Variants in ADAM17 observed in about 807,000 individuals in gnomAD.
ADAM17 encodes disintegrin and metalloproteinase domain-containing protein 17.
ADAM17 carries 39 observed loss-of-function variants against 96.7 expected under a neutral mutation model. That is an observed-to-expected ratio of 0.40 (90% CI 0.31 to 0.53). The LOEUF (loss-of-function observed/expected upper bound fraction) is 0.53. ADAM17 is among the 20% of genes least tolerant of loss of function. The probability of loss-of-function intolerance (pLI) is 0.44; values close to 1 mark genes in which losing one functional copy is unlikely to be tolerated. For synonymous variants in ADAM17, 344 were observed against 359.2 expected, an observed-to-expected ratio of 0.96 and a Z score of 0.48; for missense variants, 777 against 1,013.2, an observed-to-expected ratio of 0.77 and a Z score of 3.17.
chr2:9,548,074 A>C (rs1572961807), intron 1 of ADAM17, among the ~76,000 whole-genome samples: 1 of 126,948 alleles, frequency 7.9e-6, no homozygotes, highest in Non-Finnish European at 1.8e-5. Context: ...CTCAAAATCC[A>C]AAAAAAAAAA....
intron 11 of ADAM17, 72 bp downstream of exon 11, chr2:9,509,907 C>T: frequency 6.4e-7 from 1 of 1,560,574 alleles, no homozygotes; most frequent in Non-Finnish European, 8.7e-7. Flanking sequence ...GAATACGTTT[C>T]TGAGCTCTCA....
chr2:9,530,717 G>A (rs1329834505), intron 4 of ADAM17, among the ~76,000 whole-genome samples: 1 of 152,102 alleles, frequency 6.6e-6, no homozygotes, highest in Non-Finnish European at 1.5e-5. Context: ...ATTTTCTCAG[G>A]TATGTTACTT....
intron 1 of ADAM17, among the ~76,000 whole-genome samples, chr2:9,552,284 G>A (rs1665611302): frequency 6.6e-6 from 1 of 152,132 alleles, no homozygotes; most frequent in Non-Finnish European, 1.5e-5. Flanking sequence ...AGGAAATCCT[G>A]TGAAAGTCAA....
intron 4 of ADAM17, among the ~76,000 whole-genome samples, chr2:9,529,167 A>G (rs1664640087): frequency 6.6e-6 from 1 of 152,336 alleles, no homozygotes; most frequent in Non-Finnish European, 1.5e-5. Context: ...AGCCACACAC[A>G]GGCTGGGCGT....
chr2:9,553,376 T>TAA (rs796712244), intron 1 of ADAM17, among the ~76,000 whole-genome samples: 3 of 144,554 alleles, frequency 2.1e-5, no homozygotes, highest in African/African-American at 2.5e-5. Flanking sequence ...ATATTTCGTT[T>TAA]AAAAAAAAAA....
chr2:9,523,417 A>T, intron 6 of ADAM17, 79 bp from the exon 7 acceptor site: 1 of 1,285,674 alleles, frequency 7.8e-7, no homozygotes, highest in Non-Finnish European at 1.1e-6. Flanking sequence ...ATCTATGGGG[A>T]AAGAAAAAAT....
rs1662009471 is a variant in ADAM17, at chr2:9,490,220, A to G, written c.2432T>C (p.Leu811Pro). 6.2e-7 allele frequency: 1 copy of G among 1,600,006 alleles called. No individual in the cohort carries two copies. The highest frequency in any genetic ancestry group is 1.1e-5 in the South Asian group (1 of 90,792). The change falls in exon 19 of 19, where the codon CTG becomes CCG. Residue 811 changes from leucine (L) to proline (P), a missense_variant. Around this residue, in one of 3 missense-constraint regions of ADAM17, gnomAD observed 197 missense variants for 219.4 expected, o/e 0.90. Coordinates refer to ENST00000310823, the MANE Select transcript of ADAM17 (RefSeq NM_003183.6). ...GCTGTCAACACGATTCTGACGCTGC[A>G]GTTTAAAGGAGGCAGCCTTTTCACT... Reference protein sequence around the residue: ...TRSEKAASFKLQRQNRVDSKE... With the variant: ...TRSEKAASFKPQRQNRVDSKE...
chr2:9,524,026 C>G (rs528556427), intron 6 of ADAM17, among the ~76,000 whole-genome samples: 1 of 151,258 alleles, frequency 6.6e-6, no homozygotes, highest in Non-Finnish European at 1.5e-5. Flanking sequence ...CAGGCACACA[C>G]CACCATGCCG....
At chr2:9,541,284 C>T (rs1052268497) in intron 2 of ADAM17, among the ~76,000 whole-genome samples, 7 of 152,082 alleles carry the variant, frequency 4.6e-5, no homozygotes, top group African/African-American at 1.4e-4. Flanking sequence ...TATTTTGGGT[C>T]GGGCACGGTG....
intron 1 of ADAM17, among the ~76,000 whole-genome samples, chr2:9,547,080 C>T (rs1490894213): frequency 6.6e-6 from 1 of 152,212 alleles, no homozygotes; most frequent in Non-Finnish European, 1.5e-5. Flanking sequence ...TTACTTTCTA[C>T]AAGTTGCCAC....
At chr2:9,496,837 C>A (rs1662644360) in intron 14 of ADAM17, among the ~76,000 whole-genome samples, 1 of 152,138 alleles carries the variant, frequency 6.6e-6, no homozygotes, top group South Asian at 2.1e-4. Flanking sequence ...CACCCACTCA[C>A]CCCCAACAAA....
At chr2:9,516,372 G>A (rs1664056601) in intron 10 of ADAM17, among the ~76,000 whole-genome samples, 1 of 152,162 alleles carries the variant, frequency 6.6e-6, no homozygotes, top group Non-Finnish European at 1.5e-5. Context: ...TTATAGGAAT[G>A]AGCCACCATG....
At position 9,505,284 on chromosome 2, in the gene ADAM17, T is replaced by C. The variant is rs1464269154; in HGVS notation, c.1426A>G (p.Lys476Glu). ...AQECFQERSN[K>E]VCGNSRVDEG... Reference sequence around the variant, plus strand: ...TCCACCCTCGAGTTCCCACAAACTTTATTGCTGCGTTCTTGAAAACACTCC... The same window carrying C: ...TCCACCCTCGAGTTCCCACAAACTTCATTGCTGCGTTCTTGAAAACACTCC... Residue 476 changes from lysine to glutamate, a missense_variant, in exon 12 of 19, where the codon AAA (lysine) becomes GAA (glutamate). This residue lies in a region of ADAM17 where 446 missense variants were observed against 664.7 expected (regional missense o/e 0.67). Coordinates refer to ENST00000310823, the MANE Select transcript of ADAM17 (RefSeq NM_003183.6). The C allele has an allele frequency of 6.2e-7, 1 of 1,614,100 alleles. No individual in the cohort carries two copies. The highest frequency in any genetic ancestry group is 1.3e-5 in the African/African-American group (1 of 74,928).
rs1558490662 is a variant in ADAM17, at chr2:9,491,066, G to C, written c.2133+35C>G. 11 of 1,596,224 alleles carry C rather than the reference G, an allele frequency of 6.9e-6. No individual in the cohort carries two copies. The Middle Eastern group carries it at 8.3e-4, about 121-fold the overall frequency. Reference sequence around the variant, plus strand: ...TTTGCCTAACAGGGCCTCAGACCAGGCGAAGATTATGTTTCTTTCATATGG... The same window carrying C: ...TTTGCCTAACAGGGCCTCAGACCAGCCGAAGATTATGTTTCTTTCATATGG... On this transcript the variant is annotated intron_variant, in intron 18 of 18. Transcript: ENST00000310823.
chr2:9,529,969 TACACACAC>T (rs35137204), intron 4 of ADAM17, among the ~76,000 whole-genome samples: 95 of 149,466 alleles, frequency 6.4e-4, no homozygotes, highest in Non-Finnish European at 9.5e-4. Flanking sequence ...ATCTCAAAAA[TACACACAC>T]ACACACACAC....
intron 10 of ADAM17, 110 bp downstream of exon 10, chr2:9,517,791 T>C: frequency 1.5e-6 from 1 of 647,118 alleles, no homozygotes; most frequent in Non-Finnish European, 2.3e-6. Context: ...GGCAGAAATT[T>C]AAAAAACAGT....
chr2:9,515,195 G>C (rs1181929198), intron 10 of ADAM17, among the ~76,000 whole-genome samples: 1 of 152,058 alleles, frequency 6.6e-6, no homozygotes, highest in Non-Finnish European at 1.5e-5. Context: ...AGCAATCACT[G>C]ATCATTTTAT....
At chr2:9,495,435 G>A (rs1000903156) in intron 14 of ADAM17, among the ~76,000 whole-genome samples, 5 of 152,132 alleles carry the variant, frequency 3.3e-5, no homozygotes, top group East Asian at 1.9e-4. Context: ...AGAAAAGGCC[G>A]GGAGCAGTGG....
intron 11 of ADAM17, among the ~76,000 whole-genome samples, chr2:9,507,562 C>A (rs751169347): frequency 1.3e-5 from 2 of 152,088 alleles, no homozygotes; most frequent in Non-Finnish European, 2.9e-5. Flanking sequence ...TATCTTCTTA[C>A]AAGGGGACTC....
Sources: allele counts gnomAD v4.1 joint callset (sites outside exome capture counted in the v4.1 genomes callset), GRCh38; gene constraint gnomAD v4.1.1; regional missense constraint gnomAD v4.1.1; transcripts MANE v1.5; gene names NCBI Gene and HGNC (gene_info 2026-07-23, HGNC 2026-07-21).